The following LMTK3 variants were observed in gnomAD, a reference collection of about 807,000 sequenced individuals.
LMTK3 encodes serine/threonine-protein kinase LMTK3.
Under a neutral mutation model 116.7 loss-of-function variants are expected in LMTK3, and 27 were observed. That is an observed-to-expected ratio of 0.23 (90% confidence interval 0.17 to 0.32). The LOEUF is 0.32. Among genes scored for constraint, LMTK3 ranks in the 10% least tolerant of loss-of-function variants. The pLI is 1.00. For missense variants in LMTK3, 1,764 were observed against 2,068.5 expected (o/e 0.85, Z 2.86); for synonymous variants, 965 against 971.0 (o/e 0.99, Z 0.11).
rs1300974464 is a variant in LMTK3 at position 48,500,682 on chromosome 19, G to A, written c.1151+314C>T. Among the ~76,000 whole-genome samples, 1 of 152,192 alleles carries A rather than the reference G, an allele frequency of 6.6e-6. No individual in the cohort carries two copies. The highest frequency in any genetic ancestry group is 2.4e-5 in the African/African-American group (1 of 41,446). ...GGCTGACGGGACCTGGAGGCAGAGG[G>A]GACACAGCAGCAGATGGGAACGGCT... On this transcript the variant is annotated intron_variant, in intron 10 of 14. Coordinates refer to ENST00000600059, the MANE Select transcript of LMTK3 (RefSeq NM_001388485.1). This position sits in a 1 kb window ranked among gnomAD's most constrained non-coding sequence, Gnocchi z 4.0.
At chr19:48,506,015 G>C (rs892415332) in intron 5 of LMTK3, among the ~76,000 whole-genome samples, 1 of 151,688 alleles carries the variant, frequency 6.6e-6, no homozygotes, top group Non-Finnish European at 1.5e-5. Flanking sequence ...GGTGGTGGGC[G>C]CCTGTAATCG....
At position 48,501,498 on chromosome 19, in the gene LMTK3, G is replaced by T. The variant is rs1438141387; in HGVS notation, c.859C>A (p.Leu287Met). 6.2e-7 allele frequency: 1 copy of T among 1,612,426 alleles called. No individual in the cohort carries two copies. The highest frequency in any genetic ancestry group is 1.1e-5 in the South Asian group (1 of 90,876). Residue 287 changes from leucine (L) to methionine (M), a missense_variant, in exon 8 of 15, where the codon CTG (leucine) becomes ATG (methionine). Transcript: ENST00000600059. The part of the protein sequence containing the change: ...DLTVRIGDYG[L>M]AHSNYKEDYY... The stretch of plus-strand genomic sequence containing the variant: ...CCTACCTTGTAGTTGCTGTGGGCCA[G>T]CCCGTAGTCTCCGATGCGCACGGTC...
rs373963401 is a variant in LMTK3, at chr19:48,509,991, C to A, written c.361+32G>T. On this transcript the variant is annotated intron_variant, in intron 3 of 14. Coordinates refer to ENST00000600059, the MANE Select transcript of LMTK3 (RefSeq NM_001388485.1). ...CATCTTCTGGCCTTTCCCGGGACAC[C>A]ATGGGATGCTGGTCATGGCGTGGGG... 5 of 1,609,780 alleles carry A rather than the reference C, an allele frequency of 3.1e-6. No individual in the cohort carries two copies. The African/African-American group carries it at 4.0e-5, about 13-fold the overall frequency.
Position 48,497,774 on chromosome 19 carries a change from GC to G in LMTK3, c.3294del (p.Pro1099ArgfsTer40). 1 of 1,371,094 alleles carries G rather than the reference GC, an allele frequency of 7.3e-7. No homozygotes were observed. Among genetic ancestry groups the G allele is most frequent in the Non-Finnish European group, 9.4e-7 (1 of 1,068,100 alleles). The allele number at this position is 1,371,094 out of a possible 1,614,324, so 84.9% of individuals were successfully genotyped here. ...AGCCTCCCAGCCCCTGGGGCTCTCG[GC>G]GCCCCCCCAGTCTCGGGGGCTCTCC... ...TERRAPETGG[A>X]PRAPGAGRLD... On this transcript the variant is annotated frameshift_variant, in exon 11 of 15. Transcript: ENST00000600059. LOFTEE classifies it high-confidence loss of function. This position sits in a 1 kb window ranked among gnomAD's most constrained non-coding sequence, Gnocchi z 5.7.
rs1333976482 is a variant in LMTK3, at chr19:48,499,618, G to C, written c.1451C>G (p.Ala484Gly). The change falls in exon 11 of 15, where the codon GCC becomes GGC. Residue 484 changes from alanine to glycine, a missense_variant. Transcript: ENST00000600059. ...CCCACCCCGGCCGGCCCCACGCCGG[G>C]CCTTCTCCCACAGGCACTCGAGGTT... ...GLNLECLWEK[A>G]RRGAGRGGGA... 2 of 1,543,420 alleles carry C rather than the reference G, an allele frequency of 1.3e-6. No individual in the cohort carries two copies. The highest frequency in any genetic ancestry group is 2.4e-5 in the South Asian group (2 of 83,808).
chr19:48,511,611 C>T lies in LMTK3; in HGVS notation c.-35G>A, dbSNP rs910253549. ...GATGGCAGGGAGGTGGAGGTGGTGG[C>T]GGCTGGGGAGGAGGGGGGGGCGGGC... On this transcript the variant is annotated 5_prime_UTR_variant, in exon 1 of 15. Transcript: ENST00000600059. 6.5e-5 allele frequency: 12 copies of T among 183,824 alleles called. No homozygotes were observed. The highest frequency in any genetic ancestry group is 1.2e-4 in the Non-Finnish European group (12 of 99,340). The allele number at this position is 183,824 out of a possible 1,614,324, so 11.4% of individuals were successfully genotyped here. A position where few individuals can be genotyped will look rare whatever the true frequency, so the allele number is the denominator to read the frequency against.
At position 48,491,894 on chromosome 19, in the gene LMTK3, C is replaced by A. The variant is rs1429021922; in HGVS notation, c.4093-355G>T. ...CCCACCCCGTCCACGTCAGTCCCAC[C>A]CACCTCTGAGATCTTGACCTGCTCC... On this transcript the variant is annotated intron_variant, in intron 12 of 14. Coordinates refer to ENST00000600059, the MANE Select transcript of LMTK3 (RefSeq NM_001388485.1). The surrounding 1 kb of genome is among the most constrained non-coding windows in gnomAD (Gnocchi z 5.1). Among the ~76,000 whole-genome samples the A allele has an allele frequency of 6.6e-6, 1 of 152,120 alleles. No homozygotes were observed. The highest frequency in any genetic ancestry group is 1.5e-5 in the Non-Finnish European group (1 of 68,030).
At position 48,498,025 on chromosome 19, in the gene LMTK3, G is replaced by A. The variant is rs1972367958; in HGVS notation, c.3044C>T (p.Thr1015Met). 6.8e-6 allele frequency: 11 copies of A among 1,612,320 alleles called. No homozygotes were observed. The highest frequency in any genetic ancestry group is 1.7e-5 in the Admixed American group (1 of 59,930). Residue 1015 changes from threonine (T) to methionine (M), a missense_variant, in exon 11 of 15, where the codon ACG becomes ATG. By Grantham distance (81) the Thr-to-Met change is moderately conservative. Around this residue, in one of 7 missense-constraint regions of LMTK3, gnomAD observed 1,028 missense variants for 1,050.6 expected, o/e 0.98. Transcript: ENST00000600059. ...AGGCCCAGTCTCTGGTGGCCTCTCC[G>A]TGTTCCTGGGGAATCTCAGGCCCCC... ...ENGGLRFPRN[T>M]ERPPETGPWR...
intron 2 of LMTK3, 108 bp downstream of exon 2, chr19:48,510,351 A>C (rs1202912695): frequency 6.8e-7 from 1 of 1,463,998 alleles, no homozygotes; most frequent in African/African-American, 1.4e-5. Context: ...TCAAGCTGGA[A>C]GGTGCTCTCG....
chr19:48,511,386 C>T, intron 1 of LMTK3, 115 bp downstream of exon 1: 1 of 399,648 alleles, frequency 2.5e-6, no homozygotes, highest in Non-Finnish European at 4.2e-6. Context: ...TGCTGGGCTG[C>T]GGGAAGACGC....
rs1013151403 is a variant in LMTK3, at chr19:48,491,058, T to C, written c.4366+50A>G. 3.5e-5 allele frequency: 43 copies of C among 1,238,648 alleles called. No homozygotes were observed. Among genetic ancestry groups the C allele is most frequent in the Non-Finnish European group, 4.4e-5 (43 of 971,492 alleles). 76.7% of individuals were successfully genotyped at this position (1,238,648 alleles called of 1,614,324 possible). The stretch of plus-strand genomic sequence containing the variant: ...GTCACAAGAAGTTGGCAGTGGAACA[T>C]AGGGGGACAGAGATGGGCAGAGGAG... On this transcript the variant is annotated intron_variant, in intron 14 of 14. Coordinates refer to ENST00000600059, the MANE Select transcript of LMTK3 (RefSeq NM_001388485.1). This position sits in a 1 kb window ranked among gnomAD's most constrained non-coding sequence, Gnocchi z 5.1.
At chr19:48,508,718 C>T in intron 5 of LMTK3, 133 bp downstream of exon 5, 2 of 744,944 alleles carry the variant, frequency 2.7e-6, no homozygotes, top group South Asian at 1.6e-5. Context: ...ACCTGAGGTT[C>T]AGGGAGGGAA....
intron 5 of LMTK3, among the ~76,000 whole-genome samples, chr19:48,503,594 G>T (rs990234849): frequency 1.3e-5 from 2 of 151,804 alleles, no homozygotes; most frequent in Non-Finnish European, 2.9e-5. Context: ...CCTGGCTCTA[G>T]TCTCTCCCCT....
chr19:48,501,576 G>A lies in LMTK3; in HGVS notation c.795-14C>T, dbSNP rs1256858447. 2 of 1,596,592 alleles carry A rather than the reference G, an allele frequency of 1.3e-6. No homozygotes were observed. Among genetic ancestry groups the A allele is most frequent in the Non-Finnish European group, 1.7e-6 (2 of 1,174,176 alleles). On this transcript the variant is annotated splice_polypyrimidine_tract_variant and intron_variant, in intron 7 of 14. Coordinates refer to ENST00000600059, the MANE Select transcript of LMTK3 (RefSeq NM_001388485.1). Reference sequence around the variant, plus strand: ...AGGGCCAGGTCGCTGCGGGAAGAACGCGAGGAGGTGAGCGCAGGGGCAGCC... The same window carrying A: ...AGGGCCAGGTCGCTGCGGGAAGAACACGAGGAGGTGAGCGCAGGGGCAGCC...
At chr19:48,506,080 T>G (rs951578249) in intron 5 of LMTK3, among the ~76,000 whole-genome samples, 1 of 150,636 alleles carries the variant, frequency 6.6e-6, no homozygotes, top group Non-Finnish European at 1.5e-5. Flanking sequence ...AGGCAGAGGT[T>G]GCAGAGAGTT....
At chr19:48,495,962 A>G (rs891003142) in intron 11 of LMTK3, among the ~76,000 whole-genome samples, 3 of 152,204 alleles carry the variant, frequency 2.0e-5, no homozygotes, top group East Asian at 1.9e-4. Flanking sequence ...CACTAGTCCT[A>G]TGGTGGTGGA....
At position 48,501,532 on chromosome 19, in the gene LMTK3, G is replaced by A; in HGVS notation, c.825C>T (p.Thr275=). ...SDLALRNCLL[T]SDLTVRIGDY... ...CTCCGATGCGCACGGTCAGGTCAGAGGTCAGCAGGCAGTTGCGCAGGGCCA... is the reference window on the plus strand; with the variant it reads ...CTCCGATGCGCACGGTCAGGTCAGAAGTCAGCAGGCAGTTGCGCAGGGCCA... Residue 275 remains threonine, a synonymous_variant, in exon 8 of 15, where the codon ACC becomes ACT. Coordinates refer to ENST00000600059, the MANE Select transcript of LMTK3 (RefSeq NM_001388485.1). 6.2e-7 allele frequency: 1 copy of A among 1,611,798 alleles called. No homozygotes were observed. Among genetic ancestry groups the A allele is most frequent in the Non-Finnish European group, 8.5e-7 (1 of 1,179,138 alleles).
rs375313015 is a variant in LMTK3, at chr19:48,497,944, G to C, written c.3125C>G (p.Thr1042Arg). The C allele has an allele frequency of 5.8e-6, 9 of 1,558,408 alleles. No homozygotes were observed. In the South Asian group the frequency reaches 9.6e-5, roughly 17 times the overall value. Reference protein sequence around the residue: ...KTPESWGPAPTIGEPAPETSL... With the variant: ...KTPESWGPAPRIGEPAPETSL... ...GGTCTCTGGGGCTGGCTCCCCGATC[G>C]TGGGGGCTGGACCCCAACTCTCGGG... The change falls in exon 11 of 15, where the codon ACG becomes AGG. Residue 1042 changes from threonine (T) to arginine (R), a missense_variant. Physicochemically the swap from Thr to Arg is moderately conservative, Grantham distance 71. This residue lies in a region of LMTK3 where 1,028 missense variants were observed against 1,050.6 expected (regional missense o/e 0.98). Coordinates refer to ENST00000600059, the MANE Select transcript of LMTK3 (RefSeq NM_001388485.1). The surrounding 1 kb of genome is among the most constrained non-coding windows in gnomAD (Gnocchi z 5.7).
intron 14 of LMTK3, among the ~76,000 whole-genome samples, chr19:48,487,778 C>G (rs116370982): frequency 1.3e-5 from 2 of 152,138 alleles, no homozygotes; most frequent in Non-Finnish European, 2.9e-5. Context: ...CCACCCTGTA[C>G]TTTGTACCTG....
Sources: gnomAD v4.1 joint callset for allele counts (sites outside exome capture counted in the v4.1 genomes callset) on GRCh38, gnomAD v4.1.1 for gene constraint, gnomAD v4.1.1 regional missense constraint, Gnocchi (gnomAD v3.1) non-coding constraint, MANE v1.5 for transcripts, NCBI Gene and HGNC (gene_info 2026-07-23, HGNC 2026-07-21) for gene names.